Variants in PDE11A observed in about 807,000 individuals in gnomAD.
PDE11A encodes the protein phosphodiesterase 11A.
In PDE11A, 100 loss-of-function variants were observed where a neutral mutation model predicts 100.5. The ratio of observed to expected loss-of-function variants is 1.00; its 90% CI spans 0.85 to 1.18. PDE11A has a LOEUF of 1.18. Among genes scored for constraint, PDE11A ranks in the 50% most tolerant of loss-of-function variants. The probability of loss-of-function intolerance (pLI) is 0.00; values close to 1 mark genes in which losing one functional copy is unlikely to be tolerated. For synonymous variants in PDE11A, 381 were observed against 420.8 expected (o/e 0.91, Z 1.16); for missense variants, 1,141 against 1,152.6 (o/e 0.99, Z 0.15).
rs138638718 is a variant in PDE11A, at chr2:177,919,348, C to T, written c.1072-14161G>A. ...TTTTGACCTCGTGATCCGCCCACCT[C>T]GGCCTCCCAAAGTGTTGGGATTACA... On this transcript the variant is annotated intron_variant, in intron 2 of 19. Transcript: ENST00000286063. Among the ~76,000 whole-genome samples the T allele has an allele frequency of 2.5e-3, 375 of 152,188 alleles. 1 individual carries two copies. Among genetic ancestry groups the T allele is most frequent in the African/African-American group, 8.8e-3 (365 of 41,520 alleles).
rs542107530 is a variant in PDE11A, at chr2:177,815,997, G to A, written c.1737+832C>T. Reference sequence around the variant, plus strand: ...AGGCCAAGGCGGGCAGATCACCTGAGGTCAGGAGTTCAAGACCAGCCTGGC... The same window carrying A: ...AGGCCAAGGCGGGCAGATCACCTGAAGTCAGGAGTTCAAGACCAGCCTGGC... On this transcript the variant is annotated intron_variant, in intron 9 of 19. Coordinates refer to ENST00000286063, the MANE Select transcript of PDE11A (RefSeq NM_016953.4). Among the ~76,000 whole-genome samples, 13 of 152,246 alleles carry A rather than the reference G, an allele frequency of 8.5e-5. No individual in the cohort carries two copies. In the East Asian group the frequency reaches 2.5e-3, roughly 29 times the overall value.
intron 2 of PDE11A, among the ~76,000 whole-genome samples, chr2:178,090,866 C>T (rs2105883422): frequency 6.6e-6 from 1 of 152,036 alleles, no homozygotes; most frequent in East Asian, 2.0e-4. Context: ...TCCCTGGGCC[C>T]CCACAGGCAC....
intron 4 of PDE11A, among the ~76,000 whole-genome samples, chr2:177,889,573 A>G (rs1558993211): frequency 6.6e-6 from 1 of 150,500 alleles, no homozygotes; most frequent in Non-Finnish European, 1.5e-5. Flanking sequence ...TTCCATTTTT[A>G]TCATTCTCCT....
chr2:177,848,291 T>C (rs1467621556), intron 5 of PDE11A, among the ~76,000 whole-genome samples: 2 of 152,168 alleles, frequency 1.3e-5, no homozygotes, highest in African/African-American at 4.8e-5. Flanking sequence ...TAAAAATATA[T>C]TGATATAAAT....
intron 1 of PDE11A, among the ~76,000 whole-genome samples, chr2:178,057,366 G>T (rs1055789724): frequency 2.0e-5 from 3 of 152,148 alleles, no homozygotes; most frequent in African/African-American, 7.2e-5. Context: ...CTGTGCTCTT[G>T]GTTCTTCAGG....
At chr2:177,635,728 T>C (rs2080029035) in intron 19 of PDE11A, among the ~76,000 whole-genome samples, 1 of 152,166 alleles carries the variant, frequency 6.6e-6, no homozygotes. Flanking sequence ...AAAAATTTTC[T>C]GAATGTGTAA....
intron 2 of PDE11A, among the ~76,000 whole-genome samples, chr2:177,994,134 TTG>T (rs2086039935): frequency 6.6e-6 from 1 of 152,038 alleles, no homozygotes; most frequent in African/African-American, 2.4e-5. Context: ...TTTCACTATG[TTG>T]GGCGGGCTGG....
At chr2:177,629,630 C>A (rs1559116048) in intron 19 of PDE11A, 68 bp from the exon 20 acceptor site, 1 of 1,518,536 alleles carries the variant, frequency 6.6e-7, no homozygotes, top group African/African-American at 1.4e-5. Flanking sequence ...TGATTTTCCA[C>A]CTTTCACTTA....
At chr2:177,927,546 A>G (rs2085146514) in intron 2 of PDE11A, among the ~76,000 whole-genome samples, 1 of 152,232 alleles carries the variant, frequency 6.6e-6, no homozygotes, top group African/African-American at 2.4e-5. Context: ...TGGTAATGAA[A>G]GAGTTAAGAG....
chr2:178,094,294 T>G (rs2087460502), intron 2 of PDE11A, among the ~76,000 whole-genome samples: 1 of 152,012 alleles, frequency 6.6e-6, no homozygotes, highest in South Asian at 2.1e-4. Context: ...TTAGGGAGCC[T>G]GAGGCGGGTG....
At chr2:178,005,432 G>C (rs956721781) in intron 2 of PDE11A, among the ~76,000 whole-genome samples, 1 of 152,116 alleles carries the variant, frequency 6.6e-6, no homozygotes, top group African/African-American at 2.4e-5. Flanking sequence ...AGAACTGCTT[G>C]AGCCCAAGAA....
chr2:177,780,457 C>A (rs1467611283), intron 9 of PDE11A, among the ~76,000 whole-genome samples: 1 of 152,186 alleles, frequency 6.6e-6, no homozygotes, highest in African/African-American at 2.4e-5. Flanking sequence ...AATTTAAAAT[C>A]ACCAGCAACT....
chr2:177,693,909 T>C (rs1399088193), intron 15 of PDE11A, among the ~76,000 whole-genome samples: 3 of 152,196 alleles, frequency 2.0e-5, no homozygotes, highest in Non-Finnish European at 4.4e-5. Context: ...AATAAAAACA[T>C]CGGGGCGACA....
chr2:177,839,810 C>A (rs1033165708), intron 6 of PDE11A, among the ~76,000 whole-genome samples: 4 of 152,184 alleles, frequency 2.6e-5, no homozygotes, highest in Non-Finnish European at 5.9e-5. Context: ...TGATACTCTA[C>A]ACTACCTTAG....
At chr2:177,659,029 C>T (rs1040966551) in intron 19 of PDE11A, among the ~76,000 whole-genome samples, 1 of 151,924 alleles carries the variant, frequency 6.6e-6, no homozygotes, top group African/African-American at 2.4e-5. Context: ...GAGGCTGAGG[C>T]CTGTGGATCA....
chr2:177,701,138 T>C lies in PDE11A; in HGVS notation c.2227A>G (p.Met743Val). 3 of 1,598,022 alleles carry C rather than the reference T, an allele frequency of 1.9e-6. No individual in the cohort carries two copies. Among genetic ancestry groups the C allele is most frequent in the Non-Finnish European group, 2.6e-6 (3 of 1,165,310 alleles). ...GCCTGTACCTCACTTTGAAGGATCA[T>C]CACGGCGTGGTTGAAATGGTGATGC... Reference protein sequence around the residue: ...LEHHHFNHAVMILQSEGHNIF... With the variant: ...LEHHHFNHAVVILQSEGHNIF... The change falls in exon 14 of 20, where the codon ATG becomes GTG. Residue 743 changes from methionine to valine, a missense_variant. Met to Val is a conservative substitution (Grantham distance 21). Transcript: ENST00000286063.
intron 5 of PDE11A, among the ~76,000 whole-genome samples, chr2:177,864,285 G>A (rs913146651): frequency 6.6e-6 from 1 of 152,120 alleles, no homozygotes; most frequent in Non-Finnish European, 1.5e-5. Flanking sequence ...TAATGTACAT[G>A]AGGACCCTAG....
chr2:177,760,860 A>G (rs1253140157), intron 10 of PDE11A, among the ~76,000 whole-genome samples: 1 of 152,234 alleles, frequency 6.6e-6, no homozygotes, highest in African/African-American at 2.4e-5. Flanking sequence ...ATTATGATTC[A>G]CAAACACTTA....
chr2:177,816,920 G>A lies in PDE11A; in HGVS notation c.1646C>T (p.Ala549Val), dbSNP rs1401879746. 8.2e-6 allele frequency: 13 copies of A among 1,594,084 alleles called. No homozygotes were observed. Among genetic ancestry groups the A allele is most frequent in the Middle Eastern group, 3.3e-4 (2 of 6,008 alleles). ...FDDADQRLFEAFVIFCGLGIN... is the reference protein window; with the variant it reads ...FDDADQRLFEVFVIFCGLGIN... ...GCCAAGTCCACAAAAGATGACAAAA[G>A]CCTAGGAAAGAGCAAACCTGCTAAT... Residue 549 changes from alanine (A) to valine (V), a missense_variant and splice_region_variant, in exon 9 of 20, where the codon GCT (alanine) becomes GTT (valine). Transcript: ENST00000286063.
Sources: allele counts gnomAD v4.1 joint callset (sites outside exome capture counted in the v4.1 genomes callset), GRCh38; gene constraint gnomAD v4.1.1; transcripts MANE v1.5; gene names NCBI Gene and HGNC (gene_info 2026-07-23, HGNC 2026-07-21).